LDLRAD4: variants seen among roughly 807,000 people sequenced by gnomAD.
LDLRAD4 encodes the protein low-density lipoprotein receptor class A domain-containing protein 4.
Under a neutral mutation model 17.0 loss-of-function variants are expected in LDLRAD4, and 5 were observed. That is an observed-to-expected ratio of 0.29 (90% CI 0.15 to 0.62). LDLRAD4 has a LOEUF of 0.62. Ranked by LOEUF, LDLRAD4 falls within the 20% of genes least tolerant of loss-of-function variation. The pLI is 0.84. For missense variants in LDLRAD4, 340 were observed against 424.7 expected (o/e 0.80, Z 1.75); for synonymous variants, 168 against 171.8 (o/e 0.98, Z 0.17).
chr18:13,399,671 C>T (rs959465925), intron 2 of LDLRAD4, among the ~76,000 whole-genome samples: 7 of 152,240 alleles, frequency 4.6e-5, no homozygotes, highest in African/African-American at 1.7e-4. Context: ...CCAGTGGCAT[C>T]TGAGGACATC....
intron 3 of LDLRAD4, among the ~76,000 whole-genome samples, chr18:13,459,318 C>T (rs1195980363): frequency 6.6e-6 from 1 of 151,648 alleles, no homozygotes; most frequent in Non-Finnish European, 1.5e-5. Flanking sequence ...AGCCTGGTAA[C>T]AGACTGAGAC....
chr18:13,522,219 A>G (rs2093963391), intron 3 of LDLRAD4: 1 of 152,038 alleles, frequency 6.6e-6, no homozygotes, highest in African/African-American at 2.4e-5. Context: ...CAAGCTGCAT[A>G]ATTCTCTATT....
intron 3 of LDLRAD4, chr18:13,611,834 C>T: frequency 4.1e-6 from 4 of 985,536 alleles, no homozygotes; most frequent in Non-Finnish European, 4.8e-6. Flanking sequence ...GCGGTTAGGA[C>T]CTCACGCCTT....
intron 3 of LDLRAD4, 126 bp from the exon 5 acceptor site, chr18:13,620,991 G>C: frequency 7.6e-7 from 1 of 1,310,650 alleles, no homozygotes; most frequent in Non-Finnish European, 1.1e-6. Context: ...GTGTCCTGCT[G>C]GCCTCTGAGG....
At chr18:13,454,413 G>A (rs143707257) in intron 3 of LDLRAD4, among the ~76,000 whole-genome samples, 39 of 152,300 alleles carry the variant, frequency 2.6e-4, no homozygotes, top group African/African-American at 8.7e-4. Context: ...TTGAGTGTCT[G>A]GCTTGCAGTG....
intron 2 of LDLRAD4, among the ~76,000 whole-genome samples, chr18:13,408,563 C>T (rs946272319): frequency 2.0e-5 from 3 of 151,946 alleles, no homozygotes; most frequent in African/African-American, 4.8e-5. Flanking sequence ...ACCTCTGCCT[C>T]CTGGGTTCAA....
At chr18:13,514,806 GC>G (rs2093838165) in intron 3 of LDLRAD4, 1 of 152,224 alleles carries the variant, frequency 6.6e-6, no homozygotes, top group South Asian at 2.1e-4. Flanking sequence ...TTGCTGCCCA[GC>G]CTCTGCAAAC....
chr18:13,258,943 C>G (rs1326589618), intron 1 of LDLRAD4, among the ~76,000 whole-genome samples: 1 of 152,186 alleles, frequency 6.6e-6, no homozygotes, highest in Non-Finnish European at 1.5e-5. Context: ...AGTGCTGCTG[C>G]TGTGTACAAC....
intron 1 of LDLRAD4, among the ~76,000 whole-genome samples, chr18:13,281,453 G>A (rs887033448): frequency 1.3e-5 from 2 of 151,872 alleles, no homozygotes; most frequent in Non-Finnish European, 2.9e-5. Context: ...AAAGACAATT[G>A]GAGTTGTCAT....
rs989849267 is a variant in LDLRAD4 at position 13,367,972 on chromosome 18, T to C, written c.-382-19369T>C. On this transcript the variant is annotated intron_variant, in intron 1 of 5. Coordinates refer to ENST00000359446, the Ensembl canonical transcript of LDLRAD4. This position sits in a 1 kb window ranked among gnomAD's most constrained non-coding sequence, Gnocchi z 4.1. ...GAGAAGTCGAGGCTGCAGTGAGCCATGACGGCACCACTGCAGTCCTGCCCA... is the reference window on the plus strand; with the variant it reads ...GAGAAGTCGAGGCTGCAGTGAGCCACGACGGCACCACTGCAGTCCTGCCCA... Among the ~76,000 whole-genome samples the C allele has an allele frequency of 6.6e-6, 1 of 151,942 alleles. No individual in the cohort carries two copies. Among genetic ancestry groups the C allele is most frequent in the African/African-American group, 2.4e-5 (1 of 41,354 alleles).
intron 3 of LDLRAD4, among the ~76,000 whole-genome samples, chr18:13,592,169 G>A (rs1166985672): frequency 6.6e-6 from 1 of 152,216 alleles, no homozygotes; most frequent in South Asian, 2.1e-4. Context: ...TGAATAGGAA[G>A]GAATGATATA....
At chr18:13,640,271 C>T (rs1400655544) in intron 4 of LDLRAD4, among the ~76,000 whole-genome samples, 2 of 105,826 alleles carry the variant, frequency 1.9e-5, no homozygotes, top group South Asian at 3.1e-4. Context: ...CCAGCCTGGG[C>T]AACAGAGCGA....
At chr18:13,511,722 A>G (rs2847114) in intron 3 of LDLRAD4, among the ~76,000 whole-genome samples, 99,386 of 151,568 alleles carry the variant, frequency 0.66, 33,896 homozygotes, top group East Asian at 0.95. Flanking sequence ...AAAGGCGGGG[A>G]CATGGGTACA....
chr18:13,439,608 G>A (rs1177229379), intron 3 of LDLRAD4, among the ~76,000 whole-genome samples: 1 of 152,208 alleles, frequency 6.6e-6, no homozygotes, highest in African/African-American at 2.4e-5. Flanking sequence ...AATACAGCTT[G>A]CCTCTCACCT....
intron 1 of LDLRAD4, among the ~76,000 whole-genome samples, chr18:13,228,691 C>A (rs1049374583): frequency 6.6e-6 from 1 of 151,924 alleles, no homozygotes; most frequent in Non-Finnish European, 1.5e-5. Flanking sequence ...CCTATCTCTA[C>A]AAAAAAAATG....
intron 3 of LDLRAD4, among the ~76,000 whole-genome samples, chr18:13,500,042 G>T: frequency 6.6e-6 from 1 of 152,190 alleles, no homozygotes; most frequent in East Asian, 1.9e-4. Flanking sequence ...CATGTTTGGT[G>T]CAGACATGTT....
intron 2 of LDLRAD4, among the ~76,000 whole-genome samples, chr18:13,434,725 C>CTG (rs1203270169): frequency 6.6e-6 from 1 of 152,184 alleles, no homozygotes; most frequent in Non-Finnish European, 1.5e-5. Flanking sequence ...CGACTGGGCC[C>CTG]TGTAGTCAGC....
At chr18:13,366,943 C>G (rs1339906901) in intron 1 of LDLRAD4, among the ~76,000 whole-genome samples, 1 of 152,222 alleles carries the variant, frequency 6.6e-6, no homozygotes, top group Non-Finnish European at 1.5e-5. Flanking sequence ...CATTCTGATC[C>G]TTGTGGTCAA....
chr18:13,583,233 A>G (rs1353306867), intron 3 of LDLRAD4, among the ~76,000 whole-genome samples: 3 of 152,192 alleles, frequency 2.0e-5, no homozygotes, highest in African/African-American at 7.2e-5. Context: ...ATGTAATTTA[A>G]TATTTTAGTA....
Sources: allele counts gnomAD v4.1 joint callset (sites outside exome capture counted in the v4.1 genomes callset), GRCh38; gene constraint gnomAD v4.1.1; non-coding constraint Gnocchi (gnomAD v3.1); transcripts MANE v1.5; gene names NCBI Gene and HGNC (gene_info 2026-07-23, HGNC 2026-07-21).